Variants in LUZP2 observed in about 807,000 individuals in gnomAD.
LUZP2 encodes leucine zipper protein 2.
A neutral mutation model predicts 51.6 loss-of-function variants in LUZP2; 52 were observed. The ratio of observed to expected loss-of-function variants is 1.01; its 90% CI spans 0.81 to 1.27. The LOEUF (loss-of-function observed/expected upper bound fraction) is 1.27, where lower values mean the gene tolerates loss of function less well. Among genes scored for constraint, LUZP2 ranks in the 50% most tolerant of loss-of-function variants. LUZP2 has a pLI of 0.00. For synonymous variants in LUZP2, 154 were observed against 137.3 expected (o/e 1.12, Z -0.85); for missense variants, 436 against 395.4 (o/e 1.10, Z -0.87).
intron 1 of LUZP2, among the ~76,000 whole-genome samples, chr11:24,650,400 G>A (rs538533823): frequency 1.8e-4 from 27 of 150,604 alleles, no homozygotes; most frequent in African/African-American, 6.3e-4. Context: ...CAACATACAT[G>A]CAACAACACA....
At chr11:24,801,066 T>A (rs1849685281) in intron 5 of LUZP2, among the ~76,000 whole-genome samples, 1 of 152,232 alleles carries the variant, frequency 6.6e-6, no homozygotes, top group African/African-American at 2.4e-5. Context: ...GGCTCAAAAG[T>A]GGAAATTTGC....
At chr11:24,645,034 T>C (rs1855422308) in intron 1 of LUZP2, among the ~76,000 whole-genome samples, 1 of 152,202 alleles carries the variant, frequency 6.6e-6, no homozygotes, top group Non-Finnish European at 1.5e-5. Context: ...TGTCTTTTTG[T>C]CTAACTTAAT....
chr11:24,984,549 T>TATATATATATATATAAAA (rs60530495), intron 9 of LUZP2, among the ~76,000 whole-genome samples: 93 of 71,186 alleles, frequency 1.3e-3, no homozygotes, highest in African/African-American at 4.2e-3. Flanking sequence ...TATATATATA[T>TATATATATATATATAAAA]AATTGTGAAT....
intron 10 of LUZP2, among the ~76,000 whole-genome samples, chr11:25,068,567 C>T (rs757924860): frequency 7.2e-5 from 11 of 151,868 alleles, no homozygotes; most frequent in Non-Finnish European, 1.5e-4. Context: ...ACAATTCTTT[C>T]GCTGGAGGAA....
intron 1 of LUZP2, among the ~76,000 whole-genome samples, chr11:24,615,779 C>T (rs1025169640): frequency 6.6e-6 from 1 of 151,546 alleles, no homozygotes; most frequent in African/African-American, 2.4e-5. Context: ...GTATTTGTGA[C>T]CCAGCTTCTG....
intron 5 of LUZP2, among the ~76,000 whole-genome samples, chr11:24,885,241 T>A (rs1852633003): frequency 6.6e-6 from 1 of 152,094 alleles, no homozygotes; most frequent in Non-Finnish European, 1.5e-5. Flanking sequence ...GTTGTCCTAA[T>A]CATCAAAAAA....
intron 4 of LUZP2, among the ~76,000 whole-genome samples, chr11:24,758,138 T>A (rs2134022323): frequency 6.6e-6 from 1 of 152,246 alleles, no homozygotes; most frequent in South Asian, 2.1e-4. Flanking sequence ...TGAATGTAGA[T>A]GTAAAAATTC....
chr11:24,963,176 G>A (rs529840758), intron 7 of LUZP2, among the ~76,000 whole-genome samples: 30 of 152,168 alleles, frequency 2.0e-4, no homozygotes, highest in Non-Finnish European at 4.3e-4. Context: ...GCCCCTACTG[G>A]GGGGTACCTC....
chr11:24,800,125 G>T (rs375417870), intron 5 of LUZP2, among the ~76,000 whole-genome samples: 3 of 151,856 alleles, frequency 2.0e-5, no homozygotes, highest in East Asian at 3.9e-4. Context: ...CCCCACCCTT[G>T]TTTTTTTAGG....
At chr11:24,974,453 T>G (rs1359681596) in intron 7 of LUZP2, among the ~76,000 whole-genome samples, 1 of 151,952 alleles carries the variant, frequency 6.6e-6, no homozygotes, top group Admixed American at 6.6e-5. Flanking sequence ...AATATTATTA[T>G]ATGTGAATTT....
chr11:24,608,017 T>TG (rs1190709192), intron 1 of LUZP2, among the ~76,000 whole-genome samples: 1 of 151,622 alleles, frequency 6.6e-6, no homozygotes, highest in East Asian at 2.0e-4. Context: ...CCCAGCTAAT[T>TG]TTTTTGTATT....
intron 1 of LUZP2, among the ~76,000 whole-genome samples, chr11:24,616,969 C>A (rs184097764): frequency 6.6e-6 from 1 of 152,146 alleles, no homozygotes; most frequent in Non-Finnish European, 1.5e-5. Context: ...AGAATGTATT[C>A]GGCTTTTGTT....
At chr11:24,606,042 T>G (rs1423764208) in intron 1 of LUZP2, among the ~76,000 whole-genome samples, 1 of 151,900 alleles carries the variant, frequency 6.6e-6, no homozygotes, top group Non-Finnish European at 1.5e-5. Flanking sequence ...ATCTTCATAT[T>G]TTTTATAGCT....
intron 2 of LUZP2, among the ~76,000 whole-genome samples, chr11:24,731,745 A>G (rs1858720713): frequency 6.6e-6 from 1 of 151,772 alleles, no homozygotes; most frequent in Non-Finnish European, 1.5e-5. Context: ...GAGGTTTGCT[A>G]TGTTCCCTAA....
At chr11:24,759,022 T>C (rs2134024159) in intron 4 of LUZP2, among the ~76,000 whole-genome samples, 1 of 152,248 alleles carries the variant, frequency 6.6e-6, no homozygotes, top group African/African-American at 2.4e-5. Context: ...GAAACATTTA[T>C]GTTTATTCCT....
At chr11:24,566,677 G>A (rs1453384508) in intron 1 of LUZP2, among the ~76,000 whole-genome samples, 4 of 146,474 alleles carry the variant, frequency 2.7e-5, no homozygotes, top group Non-Finnish European at 3.0e-5. Context: ...CTGAGATCCT[G>A]TGTTTTCAGG....
intron 4 of LUZP2, among the ~76,000 whole-genome samples, chr11:24,760,155 T>C (rs749177302): frequency 2.0e-5 from 3 of 152,120 alleles, no homozygotes; most frequent in Non-Finnish European, 4.4e-5. Context: ...ATCTAAGAGT[T>C]AGAATCAATA....
chr11:24,889,530 G>GA (rs1852780700), intron 5 of LUZP2, among the ~76,000 whole-genome samples: 1 of 152,178 alleles, frequency 6.6e-6, no homozygotes, highest in Admixed American at 6.5e-5. Context: ...AATCATAAGT[G>GA]AAAAGGTTAA....
At chr11:25,037,253 T>C (rs1415620603) in intron 9 of LUZP2, among the ~76,000 whole-genome samples, 2 of 152,176 alleles carry the variant, frequency 1.3e-5, no homozygotes, top group East Asian at 3.8e-4. Context: ...AAAGTCTGTT[T>C]TATGTGATAT....
Sources: allele counts gnomAD v4.1 joint callset (sites outside exome capture counted in the v4.1 genomes callset), GRCh38; gene constraint gnomAD v4.1.1; transcripts MANE v1.5; gene names NCBI Gene and HGNC (gene_info 2026-07-23, HGNC 2026-07-21).